PKIB: variants seen among roughly 807,000 people sequenced by gnomAD.
The protein encoded by PKIB is cAMP-dependent protein kinase inhibitor beta, also known as PKI-beta.
Under a neutral mutation model 4.5 loss-of-function variants are expected in PKIB, and 2 were observed. The ratio of observed to expected loss-of-function variants is 0.44; its 90% CI spans 0.18 to 1.39. The LOEUF (loss-of-function observed/expected upper bound fraction) is 1.39. Among genes scored for constraint, PKIB ranks in the 40% most tolerant of loss-of-function variants. The pLI is 0.27. For missense variants in PKIB, 94 were observed against 92.6 expected (o/e 1.02, Z -0.06); for synonymous variants, 38 against 36.0 (o/e 1.06, Z -0.20).
intron 2 of PKIB, among the ~76,000 whole-genome samples, chr6:122,654,718 C>A (rs1002652157): frequency 6.6e-6 from 1 of 152,156 alleles, no homozygotes; most frequent in Non-Finnish European, 1.5e-5. Flanking sequence ...TTATATTTTT[C>A]TGTACTGATT....
intron 2 of PKIB, among the ~76,000 whole-genome samples, chr6:122,663,561 A>G (rs1163801607): frequency 6.6e-6 from 1 of 152,180 alleles, no homozygotes; most frequent in Non-Finnish European, 1.5e-5. Flanking sequence ...TCTGATGCCT[A>G]GAGGGGAGGA....
At chr6:122,587,412 A>C (rs9490487) in intron 3 of PKIB, among the ~76,000 whole-genome samples, 12,227 of 152,150 alleles carry the variant, frequency 0.08, 644 homozygotes, top group East Asian at 0.21. Context: ...ACATTTTCTT[A>C]ATCCAGTCTA....
chr6:122,543,185 C>T (rs1582688179), intron 2 of PKIB, among the ~76,000 whole-genome samples: 1 of 151,988 alleles, frequency 6.6e-6, no homozygotes, highest in Non-Finnish European at 1.5e-5. Flanking sequence ...CAATGCCTCG[C>T]CCTGCTTTGG....
intron 2 of PKIB, among the ~76,000 whole-genome samples, chr6:122,525,209 T>C (rs1777064254): frequency 6.6e-6 from 1 of 152,160 alleles, no homozygotes; most frequent in African/African-American, 2.4e-5. Context: ...CTTTGACCCA[T>C]AGGTTATTTA....
chr6:122,725,129 T>A lies in PKIB; in HGVS notation c.171T>A (p.Asp57Glu), dbSNP rs74776475. 2.5e-6 allele frequency: 4 copies of A among 1,604,802 alleles called. No homozygotes were observed. Among genetic ancestry groups the A allele is most frequent in the East Asian group, 2.2e-5 (1 of 44,732 alleles). ...LKLEALSVKE[D>E]AKEKDEKTTQ... ...TATGAATGGAAATTTTTTTTTCAGATGCAAAAGAGAAAGATGAAAAAACAA... is the reference window on the plus strand; with the variant it reads ...TATGAATGGAAATTTTTTTTTCAGAAGCAAAAGAGAAAGATGAAAAAACAA... The change falls in exon 5 of 5, where the codon GAT becomes GAA. Residue 57 changes from aspartate (D) to glutamate (E), a missense_variant and splice_region_variant. Coordinates refer to ENST00000368452, the MANE Select transcript of PKIB (RefSeq NM_181795.3).
intron 2 of PKIB, among the ~76,000 whole-genome samples, chr6:122,538,740 A>G (rs1207749151): frequency 6.6e-6 from 1 of 151,992 alleles, no homozygotes; most frequent in Non-Finnish European, 1.5e-5. Flanking sequence ...CTTGATGGGG[A>G]TGGCATTGAA....
At chr6:122,497,181 G>A (rs1384989437) in intron 2 of PKIB, among the ~76,000 whole-genome samples, 1 of 152,112 alleles carries the variant, frequency 6.6e-6, no homozygotes. Flanking sequence ...AATCACTAGG[G>A]GAGTTTGTTA....
intron 2 of PKIB, among the ~76,000 whole-genome samples, chr6:122,508,943 G>A (rs1776505079): frequency 6.6e-6 from 1 of 152,068 alleles, no homozygotes; most frequent in African/African-American, 2.4e-5. Flanking sequence ...TAGAGACGGG[G>A]TTTCACCGTG....
chr6:122,706,930 C>A (rs982406778), intron 3 of PKIB, among the ~76,000 whole-genome samples: 12 of 151,798 alleles, frequency 7.9e-5, no homozygotes, highest in African/African-American at 2.9e-4. Flanking sequence ...CTAATATATG[C>A]ATAGTGGTTT....
At chr6:122,536,493 A>G (rs1048828585) in intron 2 of PKIB, among the ~76,000 whole-genome samples, 1 of 152,184 alleles carries the variant, frequency 6.6e-6, no homozygotes, top group Non-Finnish European at 1.5e-5. Context: ...AAGGATGCCA[A>G]GGAAAATAAG....
At chr6:122,617,071 T>C (rs1247409076) in intron 1 of PKIB, among the ~76,000 whole-genome samples, 1 of 152,184 alleles carries the variant, frequency 6.6e-6, no homozygotes. Context: ...TTGGACCTTC[T>C]TAGCCAGTGG....
chr6:122,560,542 G>T (rs1284632786), intron 2 of PKIB, among the ~76,000 whole-genome samples: 1 of 152,042 alleles, frequency 6.6e-6, no homozygotes, highest in East Asian at 1.9e-4. Flanking sequence ...TTAGGGTGAT[G>T]CTGGCTTCAT....
intron 2 of PKIB, among the ~76,000 whole-genome samples, chr6:122,484,329 G>A (rs563297466): frequency 5.3e-5 from 8 of 152,178 alleles, no homozygotes; most frequent in South Asian, 4.1e-4. Context: ...AAATAATTTC[G>A]TATGCTTGGT....
chr6:122,512,763 A>G (rs1006623977), intron 2 of PKIB, among the ~76,000 whole-genome samples: 2 of 152,236 alleles, frequency 1.3e-5, no homozygotes, highest in African/African-American at 4.8e-5. Flanking sequence ...TTAGAAAATG[A>G]AAGACCAAGA....
intron 2 of PKIB, among the ~76,000 whole-genome samples, chr6:122,515,380 C>A (rs1265830829): frequency 6.6e-6 from 1 of 152,050 alleles, no homozygotes; most frequent in Non-Finnish European, 1.5e-5. Context: ...TTAAAAAATA[C>A]TTTATAATTT....
At chr6:122,593,806 TG>T (rs1488195903) in intron 3 of PKIB, among the ~76,000 whole-genome samples, 1 of 152,194 alleles carries the variant, frequency 6.6e-6, no homozygotes, top group East Asian at 1.9e-4. Flanking sequence ...GAGAATAGGC[TG>T]GTTATCTCAG....
At chr6:122,534,687 G>T (rs1298044919) in intron 2 of PKIB, among the ~76,000 whole-genome samples, 2 of 151,808 alleles carry the variant, frequency 1.3e-5, no homozygotes, top group Non-Finnish European at 2.9e-5. Context: ...AAATTATCTC[G>T]CTATTTTGCC....
At chr6:122,623,569 A>G (rs1485958788) in intron 1 of PKIB, among the ~76,000 whole-genome samples, 1 of 152,168 alleles carries the variant, frequency 6.6e-6, no homozygotes, top group Admixed American at 6.5e-5. Context: ...TCAAAGGGTG[A>G]GGAGGCATGG....
At chr6:122,660,419 T>C (rs1776938690) in intron 2 of PKIB, among the ~76,000 whole-genome samples, 1 of 152,170 alleles carries the variant, frequency 6.6e-6, no homozygotes, top group Non-Finnish European at 1.5e-5. Context: ...CGTATTCTCC[T>C]CTAAGGTCCC....
Sources: allele counts gnomAD v4.1 joint callset (sites outside exome capture counted in the v4.1 genomes callset), GRCh38; gene constraint gnomAD v4.1.1; transcripts MANE v1.5; gene names NCBI Gene and HGNC (gene_info 2026-07-23, HGNC 2026-07-21).